The following RGL1 variants were observed in gnomAD, a reference collection of about 807,000 sequenced individuals.
RGL1 encodes ral guanine nucleotide dissociation stimulator-like 1.
In RGL1, 24 loss-of-function variants were observed where a neutral mutation model predicts 95.2. The observed-to-expected ratio is 0.25, with a 90% CI of 0.18 to 0.35. The LOEUF is 0.35. Among genes scored for constraint, RGL1 ranks in the 10% least tolerant of loss-of-function variants. The probability of loss-of-function intolerance (pLI) is 1.00; values close to 1 mark genes in which losing one functional copy is unlikely to be tolerated. For synonymous variants in RGL1, 329 were observed against 344.9 expected (o/e 0.95, Z 0.51); for missense variants, 715 against 936.3 (o/e 0.76, Z 3.08).
At chr1:183,713,908 A>G (rs985483846) in intron 1 of RGL1, among the ~76,000 whole-genome samples, 3 of 152,330 alleles carry the variant, frequency 2.0e-5, no homozygotes, top group Admixed American at 6.5e-5. Context: ...AAGGTGCTCA[A>G]TAAATATTTG....
chr1:183,760,051 C>T (rs35039854), intron 2 of RGL1, among the ~76,000 whole-genome samples: 107,047 of 151,516 alleles, frequency 0.71, 38,273 homozygotes, highest in East Asian at 0.91. Flanking sequence ...AAATATTGCA[C>T]AAAGTAAGTC....
chr1:183,718,805 C>T (rs1287802382), intron 1 of RGL1, among the ~76,000 whole-genome samples: 1 of 151,730 alleles, frequency 6.6e-6, no homozygotes, highest in Non-Finnish European at 1.5e-5. Flanking sequence ...CCCAGCTACA[C>T]AGGAGGCTGA....
intron 16 of RGL1, 137 bp from the exon 17 acceptor site, chr1:183,922,085 G>A (rs1034559910): frequency 1.4e-6 from 1 of 696,912 alleles, no homozygotes; most frequent in Non-Finnish European, 2.5e-6. Context: ...CTGGCTCTTG[G>A]TCCAGTTCCA....
intron 1 of RGL1, among the ~76,000 whole-genome samples, chr1:183,668,578 C>G (rs1233402412): frequency 2.0e-5 from 3 of 152,148 alleles, no homozygotes; most frequent in Non-Finnish European, 4.4e-5. Flanking sequence ...GTTCAGATTA[C>G]AGGCATGAGC....
chr1:183,719,015 A>G (rs1437395811), intron 1 of RGL1, among the ~76,000 whole-genome samples: 1 of 152,226 alleles, frequency 6.6e-6, no homozygotes. Flanking sequence ...GTCAAGTGCT[A>G]ATCTCACAAT....
At chr1:183,643,245 T>G (rs1176593714) in intron 1 of RGL1, among the ~76,000 whole-genome samples, 4 of 150,478 alleles carry the variant, frequency 2.7e-5, no homozygotes, top group Non-Finnish European at 5.9e-5. Context: ...TAGAACTATC[T>G]CTTTGAGGTC....
chr1:183,866,163 G>A, intron 4 of RGL1, 90 bp downstream of exon 4: 1 of 1,121,710 alleles, frequency 8.9e-7, no homozygotes, highest in South Asian at 1.3e-5. Flanking sequence ...TTTGAATGTT[G>A]CCATGATTTT....
At chr1:183,867,619 T>C (rs1229910541) in intron 4 of RGL1, among the ~76,000 whole-genome samples, 1 of 151,518 alleles carries the variant, frequency 6.6e-6, no homozygotes, top group African/African-American at 2.4e-5. Flanking sequence ...GGATGGAAGA[T>C]GGGTTTTTTT....
chr1:183,746,056 C>T (rs1189441058), intron 2 of RGL1, among the ~76,000 whole-genome samples: 1 of 148,304 alleles, frequency 6.7e-6, no homozygotes. Context: ...TATTTTTTAA[C>T]ATTATAGTAT....
intron 2 of RGL1, among the ~76,000 whole-genome samples, chr1:183,811,861 G>A (rs962580251): frequency 6.6e-6 from 1 of 152,152 alleles, no homozygotes; most frequent in African/African-American, 2.4e-5. Flanking sequence ...ACTTAAAAGT[G>A]TATATTCTGT....
At chr1:183,914,556 A>G (rs529137810) in intron 15 of RGL1, among the ~76,000 whole-genome samples, 6 of 152,262 alleles carry the variant, frequency 3.9e-5, no homozygotes, top group Non-Finnish European at 7.4e-5. Flanking sequence ...GCCTTCTCCA[A>G]AAGTCCTCCA....
At chr1:183,704,468 TG>T (rs945660419) in intron 1 of RGL1, among the ~76,000 whole-genome samples, 1 of 152,058 alleles carries the variant, frequency 6.6e-6, no homozygotes, top group African/African-American at 2.4e-5. Context: ...CAATAGTGTG[TG>T]GGGGGTGACA....
At chr1:183,703,191 A>G (rs1352676689) in intron 1 of RGL1, among the ~76,000 whole-genome samples, 1 of 152,196 alleles carries the variant, frequency 6.6e-6, no homozygotes, top group Non-Finnish European at 1.5e-5. Flanking sequence ...CTATTTGGTT[A>G]TAGAAAAAGG....
intron 14 of RGL1, 119 bp downstream of exon 14, chr1:183,907,220 G>A (rs1390959481): frequency 1.5e-6 from 1 of 659,368 alleles, no homozygotes; most frequent in Non-Finnish European, 2.8e-6. Context: ...CCGCTCATTT[G>A]TTAAGCCGTT....
intron 4 of RGL1, among the ~76,000 whole-genome samples, chr1:183,877,756 G>A (rs570462750): frequency 5.9e-5 from 9 of 152,152 alleles, no homozygotes; most frequent in Non-Finnish European, 8.8e-5. Flanking sequence ...GCTACAGGAA[G>A]GTCACTGTCA....
intron 2 of RGL1, among the ~76,000 whole-genome samples, chr1:183,771,984 G>C (rs186806785): frequency 6.6e-6 from 1 of 152,350 alleles, no homozygotes; most frequent in East Asian, 1.9e-4. Context: ...CACTCAAGCA[G>C]GCTATTGACC....
chr1:183,916,572 G>A lies in RGL1; in HGVS notation c.1875G>A (p.Lys625=), dbSNP rs758778575. The A allele has an allele frequency of 9.3e-6, 15 of 1,613,504 alleles. No homozygotes were observed. In the South Asian group the frequency reaches 1.4e-4, roughly 15 times the overall value. Residue 625 remains lysine (K), a synonymous_variant, in exon 16 of 18, where the codon AAG becomes AAA. Coordinates refer to ENST00000360851, the MANE Select transcript of RGL1 (RefSeq NM_001297671.3). ...PSCNNNPKIH[K]RSVSVTSITS... ...GCAACAACAACCCCAAAATCCACAA[G>A]CGCTCTGTCTCGGTGACGTCCATTA...
At chr1:183,636,275 CAG>C (rs1236859498) in exon 1 of RGL1, 1 of 397,904 alleles carries the variant, frequency 2.5e-6, no homozygotes, top group Non-Finnish European at 4.4e-6. Context: ...GAGTATGAGG[CAG>C]AGTGATGCAC....
intron 1 of RGL1, among the ~76,000 whole-genome samples, chr1:183,653,976 C>T (rs998088055): frequency 6.6e-6 from 1 of 152,170 alleles, no homozygotes; most frequent in African/African-American, 2.4e-5. Context: ...TTCCCCTTTC[C>T]CAGGCCACCT....
Sources: gnomAD v4.1 joint callset for allele counts (sites outside exome capture counted in the v4.1 genomes callset) on GRCh38, gnomAD v4.1.1 for gene constraint, MANE v1.5 for transcripts, NCBI Gene and HGNC (gene_info 2026-07-23, HGNC 2026-07-21) for gene names.